AFF4: variants seen among roughly 807,000 people sequenced by gnomAD.
AFF4 encodes ALF transcription elongation factor 4.
Under a neutral mutation model 124.8 loss-of-function variants are expected in AFF4, and 13 were observed. The observed-to-expected ratio is 0.10, with a 90% CI of 0.07 to 0.17. The LOEUF (loss-of-function observed/expected upper bound fraction) is 0.17, where lower values mean the gene tolerates loss of function less well. Ranked by LOEUF, AFF4 falls within the 10% of genes least tolerant of loss-of-function variation. The pLI is 1.00. For missense variants in AFF4, 1,092 were observed against 1,403.8 expected (o/e 0.78, Z 3.55); for synonymous variants, 477 against 496.1 (o/e 0.96, Z 0.51).
chr5:132,962,062 T>A (rs538223374), intron 1 of AFF4, among the ~76,000 whole-genome samples: 1 of 152,314 alleles, frequency 6.6e-6, no homozygotes, highest in African/African-American at 2.4e-5. Context: ...TATGCACGTA[T>A]GACCAAAGAT....
At chr5:132,903,419 T>C (rs1312714603) in intron 6 of AFF4, among the ~76,000 whole-genome samples, 1 of 152,132 alleles carries the variant, frequency 6.6e-6, no homozygotes. Flanking sequence ...TTATGACTAG[T>C]ACAAATCTAC....
At chr5:132,946,502 A>C (rs929240475) in intron 1 of AFF4, among the ~76,000 whole-genome samples, 1 of 152,250 alleles carries the variant, frequency 6.6e-6, no homozygotes, top group Non-Finnish European at 1.5e-5. Flanking sequence ...ATTTAGCCAT[A>C]AGGAATGAAA....
At chr5:132,930,933 T>TAA (rs775336427) in intron 4 of AFF4, among the ~76,000 whole-genome samples, 8,895 of 78,326 alleles carry the variant, frequency 0.11, 589 homozygotes, top group Non-Finnish European at 0.16. Context: ...CTATCTCTAC[T>TAA]AAAAAAAAAA....
intron 13 of AFF4, among the ~76,000 whole-genome samples, chr5:132,890,198 A>G (rs1370548016): frequency 6.6e-6 from 1 of 151,532 alleles, no homozygotes; most frequent in Non-Finnish European, 1.5e-5. Flanking sequence ...TTAAATATAT[A>G]ATTATACTTT....
At chr5:132,939,633 G>A (rs886112445) in intron 1 of AFF4, among the ~76,000 whole-genome samples, 1 of 151,990 alleles carries the variant, frequency 6.6e-6, no homozygotes, top group Non-Finnish European at 1.5e-5. Context: ...TTTTTGAGAC[G>A]AAGTCTCGCT....
intron 1 of AFF4, chr5:132,943,095 C>A (rs1373861234): frequency 1.1e-5 from 2 of 178,236 alleles, no homozygotes; most frequent in Non-Finnish European, 2.4e-5. Context: ...TTTTAAAAAG[C>A]ATGATTACAG....
intron 1 of AFF4, among the ~76,000 whole-genome samples, chr5:132,938,018 A>C (rs1358940387): frequency 6.6e-6 from 1 of 152,108 alleles, no homozygotes; most frequent in Non-Finnish European, 1.5e-5. Flanking sequence ...ATGGTAGTAA[A>C]GGCTGGCAAA....
chr5:132,949,781 G>A (rs1400844817), intron 1 of AFF4, among the ~76,000 whole-genome samples: 4 of 150,258 alleles, frequency 2.7e-5, no homozygotes, highest in Middle Eastern at 3.2e-3. Flanking sequence ...AGAATGGCGC[G>A]AACCCGGGAG....
At position 132,934,585 on chromosome 5, in the gene AFF4, C is replaced by T. The variant is rs1313163972; in HGVS notation, c.480G>A (p.Gly160=). 1.9e-6 allele frequency: 3 copies of T among 1,614,012 alleles called. No individual in the cohort carries two copies. Among genetic ancestry groups the T allele is most frequent in the African/African-American group, 2.7e-5 (2 of 74,898 alleles). ...GCTGGCCTTTTTTCCGGCTACTGCT[C>T]CCACTATTGTTATATGACTCACGGT... is the stretch of plus-strand genomic sequence containing the variant. ...RHDRESYNNS[G]SSSRKKGQHG... The change falls in exon 3 of 21, where the codon GGG becomes GGA. Residue 160 remains glycine (G), a synonymous_variant. Coordinates refer to ENST00000265343, the MANE Select transcript of AFF4 (RefSeq NM_014423.4).
At chr5:132,935,871 C>T (rs922582761) in intron 2 of AFF4, among the ~76,000 whole-genome samples, 10 of 151,254 alleles carry the variant, frequency 6.6e-5, no homozygotes, top group Admixed American at 1.3e-4. Context: ...GGCAATGAGC[C>T]GAGATCATGA....
intron 5 of AFF4, among the ~76,000 whole-genome samples, chr5:132,926,538 C>CTT (rs371859220): frequency 3.6e-5 from 5 of 138,064 alleles, no homozygotes; most frequent in Non-Finnish European, 3.1e-5. Flanking sequence ...ATACCACTGT[C>CTT]TTTTTTTTTT....
chr5:132,896,213 A>G (rs978753000), intron 11 of AFF4, 110 bp downstream of exon 11: 2 of 1,332,802 alleles, frequency 1.5e-6, no homozygotes, highest in Non-Finnish European at 2.0e-6. Flanking sequence ...TTTACCCACT[A>G]TTTTCCTTCA....
At chr5:132,961,322 T>C (rs1254423628) in intron 1 of AFF4, among the ~76,000 whole-genome samples, 3 of 152,038 alleles carry the variant, frequency 2.0e-5, no homozygotes, top group Non-Finnish European at 2.9e-5. Flanking sequence ...GCTAATTTGG[T>C]TCTCATGCCT....
chr5:132,890,779 C>T (rs1029368863), intron 13 of AFF4, among the ~76,000 whole-genome samples: 1 of 151,786 alleles, frequency 6.6e-6, no homozygotes, highest in Non-Finnish European at 1.5e-5. Flanking sequence ...AACAGAGTAC[C>T]AAATGACTAC....
At chr5:132,906,153 C>A (rs1473744728) in intron 5 of AFF4, among the ~76,000 whole-genome samples, 1 of 152,114 alleles carries the variant, frequency 6.6e-6, no homozygotes, top group Admixed American at 6.5e-5. Flanking sequence ...AAATCAGAAC[C>A]CTGGTAAGAA....
At chr5:132,929,896 G>A (rs1368618508) in intron 4 of AFF4, among the ~76,000 whole-genome samples, 2 of 152,158 alleles carry the variant, frequency 1.3e-5, no homozygotes, top group Non-Finnish European at 2.9e-5. Context: ...GGCTGAATGA[G>A]GCCTCTGTTA....
chr5:132,882,041 T>A (rs929853253), intron 20 of AFF4, among the ~76,000 whole-genome samples: 3 of 151,836 alleles, frequency 2.0e-5, no homozygotes, highest in Admixed American at 6.6e-5. Context: ...AATGAGACCT[T>A]ATCTCTACAA....
chr5:132,912,173 C>CA (rs1188332109), intron 5 of AFF4, among the ~76,000 whole-genome samples: 1,590 of 64,044 alleles, frequency 0.025, 12 homozygotes, highest in South Asian at 0.033. Context: ...ACTAAAAATA[C>CA]AAAAAAAAAA....
Position 132,893,068 on chromosome 5 carries a change from G to T in AFF4, c.2358C>A (p.Asp786Glu). 1 of 1,614,052 alleles carries T rather than the reference G, an allele frequency of 6.2e-7. No homozygotes were observed. The highest frequency in any genetic ancestry group is 8.5e-7 in the Non-Finnish European group (1 of 1,179,990). Residue 786 changes from aspartate (D) to glutamate (E), a missense_variant, in exon 12 of 21, where the codon GAC becomes GAA. Physicochemically the swap from Asp to Glu is conservative, Grantham distance 45 (BLOSUM62 2). This residue lies in a region of AFF4 where 293 missense variants were observed against 280.2 expected (regional missense o/e 1.05). Coordinates refer to ENST00000265343, the MANE Select transcript of AFF4 (RefSeq NM_014423.4). ...ATGGCTTATGGCCTGCTGAATTCTT[G>T]TCCTCCGTTTTGGGTTTCTTGCTCT... Reference protein sequence around the residue: ...ASESKKPKTEDKNSAGHKPSS... With the variant: ...ASESKKPKTEEKNSAGHKPSS...
Sources: gnomAD v4.1 joint callset for allele counts (sites outside exome capture counted in the v4.1 genomes callset) on GRCh38, gnomAD v4.1.1 for gene constraint, gnomAD v4.1.1 regional missense constraint, MANE v1.5 for transcripts, NCBI Gene and HGNC (gene_info 2026-07-23, HGNC 2026-07-21) for gene names.